The following DHRS1 variants were observed in gnomAD, a reference collection of about 807,000 sequenced individuals.
DHRS1 encodes dehydrogenase/reductase 1.
A neutral mutation model predicts 35.2 loss-of-function variants in DHRS1; 34 were observed. The observed-to-expected ratio is 0.97, with a 90% confidence interval of 0.74 to 1.29. The LOEUF (loss-of-function observed/expected upper bound fraction) is 1.29, where lower values mean the gene tolerates loss of function less well. Ranked by LOEUF, DHRS1 falls within the 50% of genes most tolerant of loss-of-function variation. The pLI is 0.00. For missense variants in DHRS1, 354 were observed against 403.6 expected (o/e 0.88, Z 1.05); for synonymous variants, 133 against 160.0 (o/e 0.83, Z 1.27).
At chr14:24,296,168 C>G (rs2041244035) in intron 4 of DHRS1, among the ~76,000 whole-genome samples, 1 of 152,212 alleles carries the variant, frequency 6.6e-6, no homozygotes, top group South Asian at 2.1e-4. Context: ...AAAACAATTT[C>G]TCCCTCTAAC....
intron 4 of DHRS1, among the ~76,000 whole-genome samples, chr14:24,295,815 G>C (rs1475550838): frequency 6.6e-6 from 1 of 152,200 alleles, no homozygotes; most frequent in African/African-American, 2.4e-5. Flanking sequence ...CAAAATTGGA[G>C]CGGTGGGTGT....
Position 24,292,385 on chromosome 14 carries a change from C to T in DHRS1, c.508-55G>A. On this transcript the variant is annotated intron_variant, in intron 5 of 8. Coordinates refer to ENST00000288111, the MANE Select transcript of DHRS1 (RefSeq NM_001136050.3). ...CCACCTAGCCATGTCACTTTCCTGC[C>T]CTGCCCTCTCTGCTTCTACTGTGAA... is the stretch of plus-strand genomic sequence containing the variant. 4 of 1,605,876 alleles carry T rather than the reference C, an allele frequency of 2.5e-6. No homozygotes were observed. The South Asian group carries it at 3.3e-5, about 13-fold the overall frequency.
At chr14:24,292,954 A>T (rs2041189309) in intron 4 of DHRS1, 170 bp from the exon 5 acceptor site, 1 of 714,590 alleles carries the variant, frequency 1.4e-6, no homozygotes, top group Admixed American at 3.7e-5. Flanking sequence ...TTCTGAGAGG[A>T]AAACTGGTCA....
chr14:24,291,312 C>T (rs1000752062), intron 7 of DHRS1, 93 bp from the exon 8 acceptor site: 1 of 1,347,758 alleles, frequency 7.4e-7, no homozygotes, highest in Non-Finnish European at 1.1e-6. Flanking sequence ...GCTGAGAGCC[C>T]TGGAGCTCAG....
In DHRS1 at chr14:24,296,556, C is replaced by T. The variant is rs1312834072; in HGVS notation, c.327G>A (p.Trp109Ter). Residue 109 changes from tryptophan to a stop codon, truncating the protein, a stop_gained, in exon 4 of 9, where the codon TGG becomes TGA. Transcript: ENST00000288111. LOFTEE classifies it high-confidence loss of function. ...CATCCCACATGGAGGCAGGGGTTTCCCAGAATGCCTTATTCCTGGTGTTCA... is the reference window on the plus strand; with the variant it reads ...CATCCCACATGGAGGCAGGGGTTTCTCAGAATGCCTTATTCCTGGTGTTCA... ...TILNTRNKAF[W>*]ETPASMWDDI... is the part of the protein sequence containing the mutation. 1.9e-6 allele frequency: 3 copies of T among 1,614,076 alleles called. No homozygotes were observed. In the South Asian group the frequency reaches 3.3e-5, roughly 18 times the overall value.
In DHRS1 at chr14:24,290,893, T is replaced by C. The variant is rs1345725568; in HGVS notation, c.908A>G (p.Lys303Arg). Reference sequence around the variant, plus strand: ...GCTAGTGTAGAGGGCAATAATCCACTTGGGCACACGGAGGAAGGAGGGCAG... The same window carrying C: ...GCTAGTGTAGAGGGCAATAATCCACCTGGGCACACGGAGGAAGGAGGGCAG... ...SYLPSFLRVP[K>R]WIIALYTSKF Residue 303 changes from lysine to arginine, a missense_variant, in exon 9 of 9, where the codon AAG becomes AGG. Physicochemically the swap from Lys to Arg is conservative, Grantham distance 26. Transcript: ENST00000288111. The C allele has an allele frequency of 1.2e-6, 2 of 1,613,652 alleles. No homozygotes were observed. Among genetic ancestry groups the C allele is most frequent in the South Asian group, 1.1e-5 (1 of 91,036 alleles).
At chr14:24,296,968 T>C in intron 2 of DHRS1, 87 bp from the exon 3 acceptor site, 3 of 1,574,066 alleles carry the variant, frequency 1.9e-6, no homozygotes, top group Non-Finnish European at 2.6e-6. Context: ...GCTTGAGAAC[T>C]GAGAAGACAA....
chr14:24,293,405 C>T (rs1011881594), intron 4 of DHRS1: 3 of 152,196 alleles, frequency 2.0e-5, no homozygotes, highest in African/African-American at 4.8e-5. Flanking sequence ...GAAAGCCCAT[C>T]TGTACTAAAA....
intron 6 of DHRS1, 137 bp from the exon 7 acceptor site, chr14:24,291,762 A>AC (rs1300148383): frequency 2.3e-6 from 2 of 883,504 alleles, no homozygotes; most frequent in Non-Finnish European, 3.7e-6. Flanking sequence ...GGCCTGTAGG[A>AC]CCCAAAGTAT....
Position 24,292,271 on chromosome 14 carries a change from C to G in DHRS1, c.567G>C (p.Val189=). ...TCTGCACAATCCCCGGCCACAGAGACACACAGCTGACCCCATGGCGCCGCA... is the reference window on the plus strand; with the variant it reads ...TCTGCACAATCCCCGGCCACAGAGAGACACAGCTGACCCCATGGCGCCGCA... ...HELRRHGVSC[V]SLWPGIVQTE... The change falls in exon 6 of 9, where the codon GTG becomes GTC. Residue 189 remains valine (V), a synonymous_variant. Coordinates refer to ENST00000288111, the MANE Select transcript of DHRS1 (RefSeq NM_001136050.3). 1 of 1,614,190 alleles carries G rather than the reference C, an allele frequency of 6.2e-7. No individual in the cohort carries two copies. Among genetic ancestry groups the G allele is most frequent in the East Asian group, 2.2e-5 (1 of 44,884 alleles).
chr14:24,291,099 G>C (rs1362352591), intron 8 of DHRS1, 40 bp downstream of exon 8: 1 of 1,613,374 alleles, frequency 6.2e-7, no homozygotes, highest in South Asian at 1.1e-5. Flanking sequence ...GGAACAGAGG[G>C]AACAGCAGTC....
intron 4 of DHRS1, among the ~76,000 whole-genome samples, chr14:24,296,085 G>C (rs1233337833): frequency 1.3e-5 from 2 of 152,230 alleles, no homozygotes; most frequent in African/African-American, 2.4e-5. Flanking sequence ...GCCTGTGGGT[G>C]TGGAGTGAGG....
At chr14:24,291,791 C>A (rs1301304005) in intron 6 of DHRS1, 166 bp from the exon 7 acceptor site, 6 of 688,572 alleles carry the variant, frequency 8.7e-6, no homozygotes, top group African/African-American at 1.8e-5. Context: ...GCCAGAGCCA[C>A]TCCTCCCCAC....
chr14:24,296,852 A>C lies in DHRS1; in HGVS notation c.180T>G (p.Pro60=). The part of the protein sequence containing the change: ...EAQSLGGQCV[P]VVCDSSQESE... ...TCTCCTGGCTTGAATCGCACACCAC[A>C]GGCACACATTGGCCCCCGAGGGATT... The change falls in exon 3 of 9, where the codon CCT becomes CCG. Residue 60 remains proline (P), a synonymous_variant. Coordinates refer to ENST00000288111, the MANE Select transcript of DHRS1 (RefSeq NM_001136050.3). 2 of 1,614,248 alleles carry C rather than the reference A, an allele frequency of 1.2e-6. No homozygotes were observed. Among genetic ancestry groups the C allele is most frequent in the Non-Finnish European group, 1.7e-6 (2 of 1,180,036 alleles).
chr14:24,290,746 T>G lies in DHRS1; in HGVS notation c.*113A>C. The G allele has an allele frequency of 7.2e-7, 1 of 1,390,690 alleles. No individual in the cohort carries two copies. The highest frequency in any genetic ancestry group is 1.0e-6 in the Non-Finnish European group (1 of 998,726). The allele number at this position is 1,390,690 out of a possible 1,614,324, so 86.1% of individuals were successfully genotyped here. ...CCACGGACACACAGCAGAGGGCTTC[T>G]CTTCATATCAAGGGTATGGGTAAAC... On this transcript the variant is annotated 3_prime_UTR_variant, in exon 9 of 9. Transcript: ENST00000288111.
At position 24,292,298 on chromosome 14, in the gene DHRS1, C is replaced by T; in HGVS notation, c.540G>A (p.Glu180=). 1 of 1,614,110 alleles carries T rather than the reference C, an allele frequency of 6.2e-7. No individual in the cohort carries two copies. Among genetic ancestry groups the T allele is most frequent in the South Asian group, 1.1e-5 (1 of 91,070 alleles). ...CDKLAADCAH[E]LRRHGVSCVS... is the part of the protein sequence containing the mutation. ...CACAGCTGACCCCATGGCGCCGCAG[C>T]TCGTGGGCACAGTCAGCAGCCAGCT... The change falls in exon 6 of 9, where the codon GAG becomes GAA. Residue 180 remains glutamate (E), a synonymous_variant. Coordinates refer to ENST00000288111, the MANE Select transcript of DHRS1 (RefSeq NM_001136050.3).
At chr14:24,292,858 T>A (rs2041187271) in intron 4 of DHRS1, 74 bp from the exon 5 acceptor site, 1 of 1,516,814 alleles carries the variant, frequency 6.6e-7, no homozygotes, top group Non-Finnish European at 8.8e-7. Flanking sequence ...TCTGGCGGCT[T>A]CCCCTGCCTT....
chr14:24,292,618 T>C (rs141999039), intron 5 of DHRS1, 34 bp downstream of exon 5: 1 of 1,614,210 alleles, frequency 6.2e-7, no homozygotes, highest in East Asian at 2.2e-5. Flanking sequence ...CACTGTCTTT[T>C]ACCTCCTCAG....
intron 4 of DHRS1, 113 bp downstream of exon 4, chr14:24,296,396 A>G (rs1441943296): frequency 2.0e-6 from 2 of 1,021,164 alleles, no homozygotes; most frequent in Non-Finnish European, 3.0e-6. Flanking sequence ...GGAAGGGAGA[A>G]GAAAGAGATG....
Sources: allele counts gnomAD v4.1 joint callset (sites outside exome capture counted in the v4.1 genomes callset), GRCh38; gene constraint gnomAD v4.1.1; transcripts MANE v1.5; gene names NCBI Gene and HGNC (gene_info 2026-07-23, HGNC 2026-07-21).